Variants in CLPX observed in about 807,000 individuals in gnomAD.
CLPX encodes ATP-dependent clpX-like chaperone, mitochondrial.
In CLPX, 34 loss-of-function variants were observed where a neutral mutation model predicts 76.4. The ratio of observed to expected loss-of-function variants is 0.45; its 90% CI spans 0.34 to 0.59. CLPX has a LOEUF of 0.59. Ranked by LOEUF, CLPX falls within the 20% of genes least tolerant of loss-of-function variation. The pLI is 0.01. For missense variants in CLPX, 613 were observed against 757.0 expected (o/e 0.81, Z 2.23); for synonymous variants, 248 against 270.9 (o/e 0.92, Z 0.83).
intron 4 of CLPX, among the ~76,000 whole-genome samples, chr15:65,164,541 T>C (rs548523734): frequency 6.6e-5 from 10 of 152,298 alleles, no homozygotes; most frequent in African/African-American, 2.2e-4. Flanking sequence ...AGTATCAACA[T>C]TAATGTAAAT....
Position 65,148,502 on chromosome 15 carries a change from T to TA in CLPX, c.*2320dup, listed in dbSNP as rs2087680615. ...ACTTCCTGGGAAGAACTTGAACCAT[T>TA]ACTAGGGAGACCAAGGAGAGGTGTT... On this transcript the variant is annotated 3_prime_UTR_variant, in exon 14 of 14. Coordinates refer to ENST00000300107, the MANE Select transcript of CLPX (RefSeq NM_006660.5). 1 of 152,168 alleles carries TA rather than the reference T, an allele frequency of 6.6e-6. No homozygotes were observed. Among genetic ancestry groups the TA allele is most frequent in the African/African-American group, 2.4e-5 (1 of 41,446 alleles). The allele number at this position is 152,168 out of a possible 1,614,324, so 9.4% of individuals were successfully genotyped here.
intron 13 of CLPX, among the ~76,000 whole-genome samples, chr15:65,151,533 G>A (rs1471334820): frequency 2.7e-5 from 4 of 145,604 alleles, no homozygotes; most frequent in Non-Finnish European, 6.0e-5. Context: ...CTCCAAGAAA[G>A]TATCATCTGT....
intron 3 of CLPX, among the ~76,000 whole-genome samples, chr15:65,168,257 G>A (rs886525117): frequency 5.4e-5 from 8 of 148,652 alleles, no homozygotes; most frequent in Non-Finnish European, 1.0e-4. Context: ...GGTGGTGGGC[G>A]CCTGTAGTCC....
intron 6 of CLPX, among the ~76,000 whole-genome samples, chr15:65,160,499 G>C (rs2087839828): frequency 6.6e-6 from 1 of 151,948 alleles, no homozygotes; most frequent in African/African-American, 2.4e-5. Context: ...CATAGGAAGG[G>C]GCTTGGGTTA....
At chr15:65,173,409 A>G (rs1032341616) in intron 3 of CLPX, among the ~76,000 whole-genome samples, 2 of 151,914 alleles carry the variant, frequency 1.3e-5, no homozygotes, top group Non-Finnish European at 2.9e-5. Context: ...GACAAGTGGT[A>G]AAAAGGATGT....
chr15:65,156,400 A>G (rs2087790055), intron 9 of CLPX, among the ~76,000 whole-genome samples: 1 of 152,202 alleles, frequency 6.6e-6, no homozygotes, highest in Non-Finnish European at 1.5e-5. Context: ...AGTTATCATT[A>G]AAAGGTCAAG....
At chr15:65,170,532 AG>A (rs1220105988) in intron 3 of CLPX, among the ~76,000 whole-genome samples, 2 of 152,066 alleles carry the variant, frequency 1.3e-5, no homozygotes. Flanking sequence ...TGGGAGGCCG[AG>A]GCGGGTGGAT....
Position 65,180,190 on chromosome 15 carries a change from G to T in CLPX, c.94C>A (p.Arg32Ser). 1 of 1,592,862 alleles carries T rather than the reference G, an allele frequency of 6.3e-7. No individual in the cohort carries two copies. Among genetic ancestry groups the T allele is most frequent in the South Asian group, 1.1e-5 (1 of 87,392 alleles). The change falls in exon 2 of 14, where the codon CGC becomes AGC. Residue 32 changes from arginine (R) to serine (S), a missense_variant. Transcript: ENST00000300107. ...ASAQRGISGGRIHMSVLGRLG... is the reference protein window; with the variant it reads ...ASAQRGISGGSIHMSVLGRLG... ...CTTCCTAAAACTGACATATGAATGCGACCACCAGAAATACCTGAAAATAAA... is the reference window on the plus strand; with the variant it reads ...CTTCCTAAAACTGACATATGAATGCTACCACCAGAAATACCTGAAAATAAA...
chr15:65,150,959 G>T, intron 13 of CLPX, 46 bp from the exon 14 acceptor site: 1 of 1,342,456 alleles, frequency 7.4e-7, no homozygotes, highest in Non-Finnish European at 1.0e-6. Context: ...AAAAATGGAG[G>T]TAAACATGAT....
At chr15:65,160,043 C>T (rs1013142434) in intron 6 of CLPX, among the ~76,000 whole-genome samples, 2 of 152,112 alleles carry the variant, frequency 1.3e-5, no homozygotes, top group African/African-American at 4.8e-5. Flanking sequence ...GAACTGCTGA[C>T]TTCAGGTGAT....
chr15:65,179,957 A>C, intron 2 of CLPX, 87 bp downstream of exon 2: 3 of 875,444 alleles, frequency 3.4e-6, no homozygotes, highest in Non-Finnish European at 4.9e-6. Context: ...CAGAAAACAT[A>C]TAAGCCAGTA....
At chr15:65,183,028 T>G (rs1199231564) in intron 1 of CLPX, among the ~76,000 whole-genome samples, 1 of 151,730 alleles carries the variant, frequency 6.6e-6, no homozygotes, top group Non-Finnish European at 1.5e-5. Context: ...TGGGGCGTGG[T>G]GGCGCGCGCC....
At chr15:65,180,635 C>T (rs911935269) in intron 1 of CLPX, among the ~76,000 whole-genome samples, 5 of 152,132 alleles carry the variant, frequency 3.3e-5, no homozygotes, top group Non-Finnish European at 7.3e-5. Flanking sequence ...GGTGTGGTGG[C>T]TCACCCCTGT....
At chr15:65,168,380 T>A (rs1465238413) in intron 3 of CLPX, among the ~76,000 whole-genome samples, 1 of 6,114 alleles carries the variant, frequency 1.6e-4, no homozygotes, top group Non-Finnish European at 4.4e-4. Flanking sequence ...TGAGACTCTG[T>A]CTCAAAAAAA....
At chr15:65,152,652 A>G in intron 12 of CLPX, 116 bp from the exon 13 acceptor site, 1 of 234,030 alleles carries the variant, frequency 4.3e-6, no homozygotes. Context: ...AAACAAAACA[A>G]ATATATATAT....
chr15:65,180,745 TA>T (rs1025242377), intron 1 of CLPX, among the ~76,000 whole-genome samples: 2 of 149,688 alleles, frequency 1.3e-5, no homozygotes, highest in East Asian at 1.9e-4. Flanking sequence ...CTACTAAAAA[TA>T]AAAAAAAATT....
Position 65,149,520 on chromosome 15 carries a change from C to T in CLPX, c.*1303G>A. 2.4e-6 allele frequency: 1 copy of T among 416,598 alleles called. No homozygotes were observed. The highest frequency in any genetic ancestry group is 2.1e-5 in the African/African-American group (1 of 47,556). The allele number at this position is 416,598 out of a possible 1,614,324, so 25.8% of individuals were successfully genotyped here. A position where few individuals can be genotyped will look rare whatever the true frequency, so the allele number is the denominator to read the frequency against. On this transcript the variant is annotated 3_prime_UTR_variant, in exon 14 of 14. Coordinates refer to ENST00000300107, the MANE Select transcript of CLPX (RefSeq NM_006660.5). Reference sequence around the variant, plus strand: ...ATATATAACTTTCTGAAGATTTAAGCCAGACTTCAATTCCATGTACTCACC... The same window carrying T: ...ATATATAACTTTCTGAAGATTTAAGTCAGACTTCAATTCCATGTACTCACC...
At chr15:65,185,051 T>C (rs1295227795) in intron 1 of CLPX, 24 bp downstream of exon 1, 4 of 1,363,074 alleles carry the variant, frequency 2.9e-6, no homozygotes, top group East Asian at 6.0e-5. Context: ...GGCTGAGGGC[T>C]CAGGAGTGGC....
intron 2 of CLPX, 101 bp from the exon 3 acceptor site, chr15:65,179,152 TCTA>T: frequency 8.2e-6 from 5 of 611,612 alleles, no homozygotes; most frequent in Non-Finnish European, 1.4e-5. Flanking sequence ...TTTATAATCT[TCTA>T]TATTTCTAGG....
Sources: gnomAD v4.1 joint callset for allele counts (sites outside exome capture counted in the v4.1 genomes callset) on GRCh38, gnomAD v4.1.1 for gene constraint, MANE v1.5 for transcripts, NCBI Gene and HGNC (gene_info 2026-07-23, HGNC 2026-07-21) for gene names.